Variants in DIS3L2 observed in about 807,000 individuals in gnomAD.
DIS3L2 encodes the protein DIS3-like exonuclease 2.
DIS3L2 carries 34 observed loss-of-function variants against 97.5 expected under a neutral mutation model. The ratio of observed to expected loss-of-function variants is 0.35; its 90% CI spans 0.27 to 0.46. The LOEUF is 0.46. Among genes scored for constraint, DIS3L2 ranks in the 20% least tolerant of loss-of-function variants. The pLI is 1.00. For synonymous variants in DIS3L2, 435 were observed against 445.2 expected (o/e 0.98, Z 0.29); for missense variants, 1,038 against 1,146.0 (o/e 0.91, Z 1.36).
rs2633257 is a variant in DIS3L2 at position 232,270,825 on chromosome 2, G to A, written c.1659+7385G>A. Among the ~76,000 whole-genome samples the A allele has an allele frequency of 8.0e-5, 12 of 149,480 alleles. No individual in the cohort carries two copies. In the East Asian group the frequency reaches 2.3e-3, roughly 28 times the overall value. ...TCTGTCAGGAGTTCTCTGCCTACACGGAGCTCTGGCGCACTCGCGCGCTCT... is the reference window on the plus strand; with the variant it reads ...TCTGTCAGGAGTTCTCTGCCTACACAGAGCTCTGGCGCACTCGCGCGCTCT... On this transcript the variant is annotated intron_variant, in intron 13 of 20. Coordinates refer to ENST00000325385, the MANE Select transcript of DIS3L2 (RefSeq NM_152383.5).
At chr2:232,108,887 G>A (rs548285531) in intron 6 of DIS3L2, among the ~76,000 whole-genome samples, 4 of 152,020 alleles carry the variant, frequency 2.6e-5, no homozygotes, top group African/African-American at 7.2e-5. Flanking sequence ...ACTATAAACC[G>A]CTGCTCAAAG....
rs763920922 is a variant in DIS3L2, at chr2:232,068,351, C to T, written c.367-19136C>T. On this transcript the variant is annotated intron_variant, in intron 5 of 20. Transcript: ENST00000325385. ...CTTTGGGAGGCCAAGGCAGGAGGAT[C>T]GCTTGAGCCCAGGAGTCCAAGACCA... is the stretch of plus-strand genomic sequence containing the variant. 4.7e-5 allele frequency among the ~76,000 whole-genome samples: 7 copies of T among 150,282 alleles called. No homozygotes were observed. The South Asian group carries it at 6.3e-4, about 13-fold the overall frequency.
intron 10 of DIS3L2, among the ~76,000 whole-genome samples, chr2:232,217,482 A>G (rs1333394494): frequency 1.3e-5 from 2 of 152,164 alleles, no homozygotes; most frequent in Non-Finnish European, 2.9e-5. Context: ...ATAGCATCAG[A>G]TTCCAAAGAT....
chr2:232,045,991 C>T (rs890345999), intron 5 of DIS3L2, among the ~76,000 whole-genome samples: 2 of 152,016 alleles, frequency 1.3e-5, no homozygotes, highest in African/African-American at 2.4e-5. Flanking sequence ...TTCTTAATAC[C>T]ATAACACTGG....
chr2:232,048,529 G>A (rs924934545), intron 5 of DIS3L2, among the ~76,000 whole-genome samples: 3 of 152,062 alleles, frequency 2.0e-5, no homozygotes, highest in East Asian at 1.9e-4. Flanking sequence ...TCAGGAGATC[G>A]AGACCATCCT....
Position 232,037,002 on chromosome 2 carries a change from A to T in DIS3L2, c.366+6922A>T, listed in dbSNP as rs13035885. Among the ~76,000 whole-genome samples the T allele has an allele frequency of 0.13, 19,490 of 152,262 alleles. 1,681 individuals carry two copies. The highest frequency in any genetic ancestry group is 0.33 in the South Asian group (1,603 of 4,820). On this transcript the variant is annotated intron_variant, in intron 5 of 20. Coordinates refer to ENST00000325385, the MANE Select transcript of DIS3L2 (RefSeq NM_152383.5). This position sits in a 1 kb window ranked among gnomAD's most constrained non-coding sequence, Gnocchi z 4.6. The stretch of plus-strand genomic sequence containing the variant: ...CTCCCTGTCAGGAGGCACAGGGGTC[A>T]GGGACCCACTTGAGGAGGCAATCTG...
chr2:232,039,825 T>C (rs1221156069), intron 5 of DIS3L2, among the ~76,000 whole-genome samples: 2 of 152,200 alleles, frequency 1.3e-5, no homozygotes, highest in African/African-American at 4.8e-5. Context: ...CAGCTTAATA[T>C]CCTTTTCCTC....
At chr2:231,985,157 TTGTG>T (rs1158551406) in intron 1 of DIS3L2, among the ~76,000 whole-genome samples, 1 of 152,208 alleles carries the variant, frequency 6.6e-6, no homozygotes, top group Non-Finnish European at 1.5e-5. Flanking sequence ...CATCTGTAGA[TTGTG>T]TGACCACCAC....
chr2:232,183,720 A>G (rs1691356259), intron 9 of DIS3L2, among the ~76,000 whole-genome samples: 3 of 152,226 alleles, frequency 2.0e-5, no homozygotes, highest in African/African-American at 7.2e-5. Flanking sequence ...GATAGCTGCC[A>G]TGTTAAATAA....
chr2:232,074,611 G>A (rs1053137320), intron 5 of DIS3L2, among the ~76,000 whole-genome samples: 1 of 123,424 alleles, frequency 8.1e-6, no homozygotes. Context: ...AAAGGATCTC[G>A]CTCTGTTACC....
Position 232,115,303 on chromosome 2 carries a change from T to A in DIS3L2, c.602-15316T>A, listed in dbSNP as rs548234367. Reference sequence around the variant, plus strand: ...AGGTGTCAGGTGATTGAAGATTTTTTTAAAAAAAAAAGAAAAACAAACCTA... The same window carrying A: ...AGGTGTCAGGTGATTGAAGATTTTTATAAAAAAAAAAGAAAAACAAACCTA... On this transcript the variant is annotated intron_variant, in intron 6 of 20. Coordinates refer to ENST00000325385, the MANE Select transcript of DIS3L2 (RefSeq NM_152383.5). Among the ~76,000 whole-genome samples the A allele has an allele frequency of 2.0e-3, 309 of 151,974 alleles. 1 individual carries two copies. Among genetic ancestry groups the A allele is most frequent in the African/African-American group, 5.3e-3 (221 of 41,490 alleles).
chr2:232,207,385 A>T (rs1475751423), intron 9 of DIS3L2, among the ~76,000 whole-genome samples: 6 of 152,116 alleles, frequency 3.9e-5, no homozygotes, highest in Non-Finnish European at 5.9e-5. Flanking sequence ...TATTACCATC[A>T]ATCTGTTCAT....
intron 1 of DIS3L2, among the ~76,000 whole-genome samples, chr2:232,007,434 C>T (rs2106211449): frequency 6.6e-6 from 1 of 152,302 alleles, no homozygotes; most frequent in East Asian, 1.9e-4. Flanking sequence ...CTCTCAGGCT[C>T]AAGTGTTTGT....
intron 10 of DIS3L2, among the ~76,000 whole-genome samples, chr2:232,217,698 G>T (rs997835093): frequency 6.6e-6 from 1 of 152,178 alleles, no homozygotes; most frequent in African/African-American, 2.4e-5. Context: ...TATTGCAAAG[G>T]ATCCAGATAA....
At chr2:232,116,239 G>A (rs905862142) in intron 6 of DIS3L2, among the ~76,000 whole-genome samples, 3 of 151,850 alleles carry the variant, frequency 2.0e-5, no homozygotes, top group Non-Finnish European at 4.4e-5. Flanking sequence ...GAATACTATT[G>A]TGAAGTTAAG....
intron 20 of DIS3L2, chr2:232,336,195 G>A (rs765504650): frequency 1.3e-6 from 2 of 1,533,998 alleles, no homozygotes; most frequent in South Asian, 2.4e-5. Flanking sequence ...AAATTGTCTG[G>A]AACCGTTTTC....
chr2:232,238,502 C>T (rs781637923), intron 10 of DIS3L2, 31 bp from the exon 11 acceptor site: 13 of 1,590,610 alleles, frequency 8.2e-6, no homozygotes, highest in Non-Finnish European at 3.4e-6. Context: ...CCTTCCACGC[C>T]AGCCTGATAG....
chr2:232,044,111 C>T (rs1439639910), intron 5 of DIS3L2, among the ~76,000 whole-genome samples: 1 of 150,188 alleles, frequency 6.7e-6, no homozygotes, highest in Non-Finnish European at 1.5e-5. Flanking sequence ...GATGGAGAGG[C>T]AGGGGTGGTG....
At chr2:232,174,847 GT>G (rs1026866424) in intron 9 of DIS3L2, among the ~76,000 whole-genome samples, 2 of 149,466 alleles carry the variant, frequency 1.3e-5, no homozygotes, top group East Asian at 2.0e-4. Context: ...TTTTTTTTTT[GT>G]TTTTTTGTTT....
Sources: allele counts gnomAD v4.1 joint callset (sites outside exome capture counted in the v4.1 genomes callset), GRCh38; gene constraint gnomAD v4.1.1; non-coding constraint Gnocchi (gnomAD v3.1); transcripts MANE v1.5; gene names NCBI Gene and HGNC (gene_info 2026-07-23, HGNC 2026-07-21).